MN1: variants seen among roughly 807,000 people sequenced by gnomAD.
The protein encoded by MN1 is MN1 proto-oncogene, transcriptional regulator.
In MN1, 19 loss-of-function variants were observed where a neutral mutation model predicts 86.9. The observed-to-expected ratio is 0.22, with a 90% CI of 0.15 to 0.32. The LOEUF is 0.32. MN1 is among the 10% of genes least tolerant of loss of function. MN1 has a pLI of 1.00. For synonymous variants in MN1, 928 were observed against 849.6 expected (o/e 1.09, Z -1.60); for missense variants, 1,841 against 1,862.0 (o/e 0.99, Z 0.21).
At chr22:27,752,803 G>A (rs769969340) in intron 1 of MN1, among the ~76,000 whole-genome samples, 14 of 152,222 alleles carry the variant, frequency 9.2e-5, no homozygotes, top group Non-Finnish European at 1.6e-4. Context: ...GAGAAAAGCT[G>A]AAATTGGGGG....
Position 27,755,226 on chromosome 22 carries a change from C to A in MN1, c.3782-4130G>T, listed in dbSNP as rs539044075. Among the ~76,000 whole-genome samples, 161 of 152,302 alleles carry A rather than the reference C, an allele frequency of 1.1e-3. 5 individuals are homozygous for A. In the South Asian group the frequency reaches 0.033, roughly 31 times the overall value. On this transcript the variant is annotated intron_variant, in intron 1 of 1. Transcript: ENST00000302326. ...GTCTGCAGAGCCACAGTTTCCTCAT[C>A]TGCAACTTGGGGGTGGTGATTCCTG...
chr22:27,753,488 T>C (rs1186247616), intron 1 of MN1, among the ~76,000 whole-genome samples: 7 of 152,106 alleles, frequency 4.6e-5, no homozygotes, highest in Non-Finnish European at 1.0e-4. Flanking sequence ...CTGTCATTCA[T>C]ATCTGGGAGG....
chr22:27,769,570 T>TTTTTTTTTTTTA (rs1568974122), intron 1 of MN1, among the ~76,000 whole-genome samples: 1 of 143,354 alleles, frequency 7.0e-6, no homozygotes, highest in African/African-American at 2.7e-5. Context: ...TTTTTTTTTT[T>TTTTTTTTTTTTA]GAGACAGAGT....
Position 27,797,940 on chromosome 22 carries a change from C to A in MN1, c.2604G>T (p.Ala868=), listed in dbSNP as rs765014064. Residue 868 remains alanine (A), a synonymous_variant, in exon 1 of 2, where the codon GCG becomes GCT. Transcript: ENST00000302326. The part of the protein sequence containing the change: ...RKLSQNETDG[A]AVAGNPGSDY... ...CCGAGCCCGGGTTGCCGGCCACTGC[C>A]GCGCCGTCGGTCTCGTTCTGGCTCA... 6.3e-7 allele frequency: 1 copy of A among 1,596,460 alleles called. No individual in the cohort carries two copies. Among genetic ancestry groups the A allele is most frequent in the Non-Finnish European group, 8.5e-7 (1 of 1,170,978 alleles).
In MN1 at chr22:27,801,752, G is replaced by A. The variant is rs1396872223; in HGVS notation, c.-1209C>T. On this transcript the variant is annotated 5_prime_UTR_variant, in exon 1 of 2. Transcript: ENST00000302326. The stretch of plus-strand genomic sequence containing the variant: ...CTCTCGCCCAGCGCCGGGAGAAGCA[G>A]CAACAAGTTTTGCATTTCAGCAATC... Among the ~76,000 whole-genome samples, 1 of 152,226 alleles carries A rather than the reference G, an allele frequency of 6.6e-6. No homozygotes were observed. The highest frequency in any genetic ancestry group is 1.5e-5 in the Non-Finnish European group (1 of 68,040).
In MN1 at chr22:27,797,403, G is replaced by C. The variant is rs750757950; in HGVS notation, c.3141C>G (p.Asp1047Glu). ...CATTGGCGTAGCTCGTGCTCACCTC[G>C]TCCGAGGCGAACTCACCCACGTTTG... ...SSPNVGEFAS[D>E]EVSTSYANED... The change falls in exon 1 of 2, where the codon GAC (aspartate) becomes GAG (glutamate). Residue 1047 changes from aspartate (D) to glutamate (E), a missense_variant. Coordinates refer to ENST00000302326, the MANE Select transcript of MN1 (RefSeq NM_002430.3). The C allele has an allele frequency of 2.5e-6, 4 of 1,611,886 alleles. No homozygotes were observed. Among genetic ancestry groups the C allele is most frequent in the Non-Finnish European group, 3.4e-6 (4 of 1,179,760 alleles).
chr22:27,793,362 T>G (rs1374041450), intron 1 of MN1, among the ~76,000 whole-genome samples: 2 of 144,746 alleles, frequency 1.4e-5, no homozygotes, highest in Non-Finnish European at 2.9e-5. Context: ...AGACTATACT[T>G]TCAGGGATCA....
rs535628380 is a variant in MN1, at chr22:27,800,089, C to A, written c.455G>T (p.Gly152Val). ...GLGSQPPFAE[G>V]YEHMAESQGP... is the part of the protein sequence containing the mutation. The stretch of plus-strand genomic sequence containing the variant: ...CTGGCTCTCCGCCATGTGCTCATAG[C>A]CCTCGGCGAAGGGCGGCTGGCTGCC... The change falls in exon 1 of 2, where the codon GGC becomes GTC. Residue 152 changes from glycine to valine, a missense_variant. Gly to Val is a moderately radical substitution (Grantham distance 109). Coordinates refer to ENST00000302326, the MANE Select transcript of MN1 (RefSeq NM_002430.3). 14 of 1,592,912 alleles carry A rather than the reference C, an allele frequency of 8.8e-6. No individual in the cohort carries two copies. In the South Asian group the frequency reaches 1.3e-4, roughly 15 times the overall value.
chr22:27,797,710 C>T lies in MN1; in HGVS notation c.2834G>A (p.Arg945His), dbSNP rs768373028. Residue 945 changes from arginine (R) to histidine (H), a missense_variant, in exon 1 of 2, where the codon CGC (arginine) becomes CAC (histidine). Coordinates refer to ENST00000302326, the MANE Select transcript of MN1 (RefSeq NM_002430.3). ...CACGTGACCACTGTCCCTTTTTCTG[C>T]GACCCCGTCCCCGGCCGCCGCCCCC... Reference protein sequence around the residue: ...VSGGGGRGRGRRKRDSGHVSP... With the variant: ...VSGGGGRGRGHRKRDSGHVSP... 5 of 1,610,564 alleles carry T rather than the reference C, an allele frequency of 3.1e-6. No individual in the cohort carries two copies. The highest frequency in any genetic ancestry group is 1.7e-5 in the Admixed American group (1 of 59,778).
chr22:27,797,297 T>C lies in MN1; in HGVS notation c.3247A>G (p.Lys1083Glu). 6.3e-7 allele frequency: 1 copy of C among 1,598,390 alleles called. No individual in the cohort carries two copies. The highest frequency in any genetic ancestry group is 8.5e-7 in the Non-Finnish European group (1 of 1,178,866). The change falls in exon 1 of 2, where the codon AAA becomes GAA. Residue 1083 changes from lysine to glutamate, a missense_variant. Transcript: ENST00000302326. ...SRSPLVTGSP[K>E]LPPRGVGAGE... ...GCGCCTACCCCACGGGGAGGGAGTT[T>C]GGGCGAGCCGGTCACCAGGGGACTC...
chr22:27,789,103 C>T (rs1260236607), intron 1 of MN1, among the ~76,000 whole-genome samples: 1 of 152,182 alleles, frequency 6.6e-6, no homozygotes, highest in Non-Finnish European at 1.5e-5. Flanking sequence ...AAGGGTGCCT[C>T]AGCACCAAAG....
chr22:27,797,205 C>G lies in MN1; in HGVS notation c.3339G>C (p.Ser1113=). The part of the protein sequence containing the change: ...LGLGIMSNST[S]TPDSYGGGGG... The stretch of plus-strand genomic sequence containing the variant: ...CACCGCCGCCGTAGCTGTCAGGGGT[C>G]GAGGTAGAGTTAGACATGATGCCCA... The change falls in exon 1 of 2, where the codon TCG becomes TCC. Residue 1113 remains serine (S), a synonymous_variant. Transcript: ENST00000302326. The G allele has an allele frequency of 6.4e-7, 1 of 1,558,770 alleles. No homozygotes were observed.
chr22:27,781,406 C>G, intron 1 of MN1, among the ~76,000 whole-genome samples: 1 of 152,194 alleles, frequency 6.6e-6, no homozygotes, highest in East Asian at 1.9e-4. Flanking sequence ...CATTCTTCCT[C>G]CCTGCAGCCA....
At chr22:27,764,429 T>TGGC (rs2146298105) in intron 1 of MN1, among the ~76,000 whole-genome samples, 2 of 152,248 alleles carry the variant, frequency 1.3e-5, no homozygotes, top group Admixed American at 1.3e-4. Flanking sequence ...CCAGCTTAGT[T>TGGC]CCTCATTCCA....
intron 1 of MN1, among the ~76,000 whole-genome samples, chr22:27,762,151 A>T (rs1400606243): frequency 6.6e-6 from 1 of 151,998 alleles, no homozygotes; most frequent in Non-Finnish European, 1.5e-5. Flanking sequence ...AGCCCTGCAC[A>T]CCCTGGGGCC....
Position 27,800,027 on chromosome 22 carries a change from G to T in MN1, c.517C>A (p.Leu173Ile). 1 of 1,604,154 alleles carries T rather than the reference G, an allele frequency of 6.2e-7. No homozygotes were observed. The change falls in exon 1 of 2, where the codon CTC becomes ATC. Residue 173 changes from leucine (L) to isoleucine (I), a missense_variant. Leu to Ile is a conservative substitution (Grantham distance 5). Coordinates refer to ENST00000302326, the MANE Select transcript of MN1 (RefSeq NM_002430.3). ...GCACCTGAACTGTGGAAGTCCGGGA[G>T]GTTCCCCGGTCGCTGCGGGCCGAAG... ...ESFGPQRPGN[L>I]PDFHSSGASS...
At position 27,759,372 on chromosome 22, in the gene MN1, A is replaced by C. The variant is rs990484784; in HGVS notation, c.3782-8276T>G. Among the ~76,000 whole-genome samples, 9 of 152,206 alleles carry C rather than the reference A, an allele frequency of 5.9e-5. No homozygotes were observed. In the South Asian group the frequency reaches 1.9e-3, roughly 32 times the overall value. On this transcript the variant is annotated intron_variant, in intron 1 of 1. Coordinates refer to ENST00000302326, the MANE Select transcript of MN1 (RefSeq NM_002430.3). The stretch of plus-strand genomic sequence containing the variant: ...AGACTCTGGGCTCAGGGGCAGGAAC[A>C]GCAAATCTCAGCCAGATATCAGGGA...
In MN1 at chr22:27,799,485, C is replaced by A. The variant is rs45463494; in HGVS notation, c.1059G>T (p.Pro353=). 1.1e-5 allele frequency: 16 copies of A among 1,452,672 alleles called. No homozygotes were observed. The highest frequency in any genetic ancestry group is 1.4e-5 in the African/African-American group (1 of 69,368). 90.0% of individuals were successfully genotyped at this position (1,452,672 alleles called of 1,614,324 possible). Reference sequence around the variant, plus strand: ...GCGGCTGCTGCTGTGGCGGCTGCTGCGGGGGCTGCTGCTGAGGGGGTGGCG... The same window carrying A: ...GCGGCTGCTGCTGTGGCGGCTGCTGAGGGGGCTGCTGCTGAGGGGGTGGCG... ...QAPPPPQQQP[P]QQPPQQQPPP... Residue 353 remains proline, a synonymous_variant, in exon 1 of 2, where the codon CCG becomes CCT. Transcript: ENST00000302326.
At chr22:27,785,064 ACACAC>A (rs1568978558) in intron 1 of MN1, among the ~76,000 whole-genome samples, 4 of 148,922 alleles carry the variant, frequency 2.7e-5, no homozygotes, top group African/African-American at 7.5e-5. Flanking sequence ...CGCCACACAC[ACACAC>A]ACACACACAC....
Sources: gnomAD v4.1 joint callset for allele counts (sites outside exome capture counted in the v4.1 genomes callset) on GRCh38, gnomAD v4.1.1 for gene constraint, MANE v1.5 for transcripts, NCBI Gene and HGNC (gene_info 2026-07-23, HGNC 2026-07-21) for gene names.